Variants in PTK2B observed in about 807,000 individuals in gnomAD.
PTK2B encodes the protein protein tyrosine kinase 2 beta.
In PTK2B, 71 loss-of-function variants were observed where a neutral mutation model predicts 142.9. The observed-to-expected ratio is 0.50, with a 90% CI of 0.41 to 0.61. PTK2B has a LOEUF of 0.61. Ranked by LOEUF, PTK2B falls within the 20% of genes least tolerant of loss-of-function variation. PTK2B has a pLI of 0.00. For missense variants in PTK2B, 1,105 were observed against 1,320.4 expected, an observed-to-expected ratio of 0.84 and a Z score of 2.53; for synonymous variants, 519 against 503.4, an observed-to-expected ratio of 1.03 and a Z score of -0.42.
At chr8:27,360,324 C>A (rs1403004301) in intron 1 of PTK2B, among the ~76,000 whole-genome samples, 5 of 152,228 alleles carry the variant, frequency 3.3e-5, no homozygotes, top group Admixed American at 2.0e-4. Flanking sequence ...TCAGACAGCC[C>A]AAGGAATCCA....
chr8:27,454,016 G>A (rs1811985000), intron 28 of PTK2B, 138 bp from the exon 29 acceptor site: 1 of 1,253,974 alleles, frequency 8.0e-7, no homozygotes, highest in African/African-American at 1.5e-5. Flanking sequence ...CCCCGGGACA[G>A]GGCACAATTA....
rs566721782 is a variant in PTK2B at position 27,313,013 on chromosome 8, A to C, written c.-496-192A>C. The stretch of plus-strand genomic sequence containing the variant: ...CATGATATGGTTTGGCTGTGTCCCC[A>C]CCCCAAATCTCATCTTGAATTGTAA... On this transcript the variant is annotated intron_variant, in intron 2 of 35. Coordinates refer to the PTK2B transcript ENST00000397501. 2.1e-4 allele frequency among the ~76,000 whole-genome samples: 32 copies of C among 152,268 alleles called. No homozygotes were observed. The South Asian group carries it at 6.4e-3, about 31-fold the overall frequency.
intron 1 of PTK2B, among the ~76,000 whole-genome samples, chr8:27,367,544 C>T (rs1459149428): frequency 4.6e-5 from 7 of 152,320 alleles, no homozygotes; most frequent in Non-Finnish European, 7.4e-5. Context: ...TGCAGTGGGG[C>T]CTTGATGGGG....
rs535437944 is a variant in PTK2B at position 27,341,399 on chromosome 8, A to C, written c.-38+15718A>C. Among the ~76,000 whole-genome samples the C allele has an allele frequency of 2.0e-5, 3 of 152,318 alleles. No individual in the cohort carries two copies. In the East Asian group the frequency reaches 5.8e-4, roughly 29 times the overall value. On this transcript the variant is annotated intron_variant, in intron 1 of 30. Coordinates refer to ENST00000346049, the MANE Select transcript of PTK2B (RefSeq NM_173176.3). The stretch of plus-strand genomic sequence containing the variant: ...TTTTAGGGAAAAGATTATCAAGGAA[A>C]AAGTGCTTGTTTTGGGATGGTCTCT...
At chr8:27,362,214 A>G (rs1805750730) in intron 1 of PTK2B, among the ~76,000 whole-genome samples, 1 of 151,948 alleles carries the variant, frequency 6.6e-6, no homozygotes, top group Admixed American at 6.5e-5. Context: ...GCCTCAGGGC[A>G]GCACCAGGAG....
At chr8:27,340,916 G>A (rs946117852) in intron 1 of PTK2B, among the ~76,000 whole-genome samples, 1 of 152,370 alleles carries the variant, frequency 6.6e-6, no homozygotes, top group South Asian at 2.1e-4. Flanking sequence ...GGGGAGGGGG[G>A]CAGACAGAAC....
chr8:27,428,591 T>G (rs552767770), intron 5 of PTK2B, among the ~76,000 whole-genome samples: 1 of 152,212 alleles, frequency 6.6e-6, no homozygotes, highest in Non-Finnish European at 1.5e-5. Flanking sequence ...GGCTGGATAC[T>G]TCTTTGTTAG....
chr8:27,397,480 C>T, intron 1 of PTK2B, 68 bp from the exon 2 acceptor site: 2 of 1,243,626 alleles, frequency 1.6e-6, no homozygotes, highest in Admixed American at 1.8e-5. Context: ...GGGTGCTGTC[C>T]CTGGGGCCAT....
chr8:27,383,993 C>A (rs191600549), intron 1 of PTK2B, among the ~76,000 whole-genome samples: 2 of 152,148 alleles, frequency 1.3e-5, no homozygotes, highest in East Asian at 3.9e-4. Flanking sequence ...GGATTACAGG[C>A]ATGAGCCACC....
chr8:27,396,962 G>A (rs1014165731), intron 1 of PTK2B, among the ~76,000 whole-genome samples: 8 of 152,172 alleles, frequency 5.3e-5, no homozygotes, highest in African/African-American at 1.9e-4. Context: ...CCTGTCAGAC[G>A]GAAGCCTCCC....
intron 1 of PTK2B, among the ~76,000 whole-genome samples, chr8:27,371,044 C>T (rs574634723): frequency 1.2e-4 from 19 of 152,156 alleles, no homozygotes; most frequent in African/African-American, 3.4e-4. Flanking sequence ...TACAGGTGCT[C>T]GCCACCACAC....
At chr8:27,439,491 C>T (rs1219764464) in intron 20 of PTK2B, 93 bp downstream of exon 20, 4 of 1,323,088 alleles carry the variant, frequency 3.0e-6, no homozygotes, top group African/African-American at 2.9e-5. Flanking sequence ...GGGGTCTGAC[C>T]TCCACCCTCC....
chr8:27,373,408 T>G (rs1429939), intron 1 of PTK2B, among the ~76,000 whole-genome samples: 127,227 of 152,138 alleles, frequency 0.84, 53,970 homozygotes, highest in Middle Eastern at 0.91. Context: ...GGAAAACTCT[T>G]CCCCCTCCAA....
chr8:27,437,461 A>G lies in PTK2B; in HGVS notation c.1492A>G (p.Thr498Ala), dbSNP rs1810856415. The part of the protein sequence containing the change: ...KLIGIIEEEP[T>A]WIIMELYPYG... Reference sequence around the variant, plus strand: ...GATCGGCATCATTGAAGAGGAGCCCACCTGGATCATCATGGAATTGTATCC... The same window carrying G: ...GATCGGCATCATTGAAGAGGAGCCCGCCTGGATCATCATGGAATTGTATCC... Residue 498 changes from threonine to alanine, a missense_variant, in exon 17 of 31, where the codon ACC becomes GCC. Coordinates refer to ENST00000346049, the MANE Select transcript of PTK2B (RefSeq NM_173176.3). The G allele has an allele frequency of 6.2e-7, 1 of 1,612,822 alleles. No individual in the cohort carries two copies. The highest frequency in any genetic ancestry group is 1.3e-5 in the African/African-American group (1 of 74,836).
At chr8:27,432,123 T>A in intron 9 of PTK2B, 137 bp from the exon 10 acceptor site, 1 of 719,204 alleles carries the variant, frequency 1.4e-6, no homozygotes, top group Middle Eastern at 2.4e-4. Flanking sequence ...CTTCTAGCCT[T>A]AATAGTGTTT....
chr8:27,326,226 A>ATGTGTGTG (rs4054914), intron 1 of PTK2B, among the ~76,000 whole-genome samples: 21 of 146,800 alleles, frequency 1.4e-4, no homozygotes, highest in African/African-American at 5.0e-4. Context: ...GCTCGTGTGT[A>ATGTGTGTG]TGTGTGTGTG....
rs77929538 is a variant in PTK2B, at chr8:27,408,290, G to A, written c.204+10502G>A. Among the ~76,000 whole-genome samples, 116 of 152,262 alleles carry A rather than the reference G, an allele frequency of 7.6e-4. 1 individual carries two copies. In the East Asian group the frequency reaches 0.019, roughly 25 times the overall value. On this transcript the variant is annotated intron_variant, in intron 2 of 30. Transcript: ENST00000346049. ...AAGAAATTATCTGACCTACATTGTT[G>A]GACTATAGGTCATAAGGCCTTGATT...
At chr8:27,383,750 A>G (rs1807171070) in intron 1 of PTK2B, among the ~76,000 whole-genome samples, 1 of 152,040 alleles carries the variant, frequency 6.6e-6, no homozygotes, top group South Asian at 2.1e-4. Flanking sequence ...CATTGGCACC[A>G]TCATAGCTCA....
chr8:27,395,572 G>A (rs1206855014), intron 1 of PTK2B, among the ~76,000 whole-genome samples: 3 of 152,138 alleles, frequency 2.0e-5, no homozygotes, highest in African/African-American at 4.8e-5. Flanking sequence ...CCCACCTGCT[G>A]CCAGCTCTGC....
Sources: allele counts gnomAD v4.1 joint callset (sites outside exome capture counted in the v4.1 genomes callset), GRCh38; gene constraint gnomAD v4.1.1; transcripts MANE v1.5; gene names NCBI Gene and HGNC (gene_info 2026-07-23, HGNC 2026-07-21).